The following DLG2 variants were observed in gnomAD, a reference collection of about 807,000 sequenced individuals.
The protein encoded by DLG2 is disks large homolog 2.
Under a neutral mutation model 132.5 loss-of-function variants are expected in DLG2, and 45 were observed. That is an observed-to-expected ratio of 0.34 (90% CI 0.27 to 0.44). DLG2 has a LOEUF of 0.44. Among genes scored for constraint, DLG2 ranks in the 20% least tolerant of loss-of-function variants. The pLI, the probability that DLG2 is intolerant of heterozygous loss-of-function variation, is 1.00. For synonymous variants in DLG2, 424 were observed against 419.6 expected (o/e 1.01, Z -0.13); for missense variants, 1,045 against 1,196.9 (o/e 0.87, Z 1.87).
chr11:84,574,741 A>T (rs2099495053), intron 6 of DLG2, among the ~76,000 whole-genome samples: 1 of 152,098 alleles, frequency 6.6e-6, no homozygotes. Flanking sequence ...TGCTCTTGGC[A>T]CCTCAATTAT....
intron 7 of DLG2, among the ~76,000 whole-genome samples, chr11:84,504,034 T>C (rs1040539396): frequency 5.9e-5 from 9 of 152,236 alleles, no homozygotes; most frequent in Non-Finnish European, 1.3e-4. Context: ...AACACAGCTT[T>C]AATATTATTG....
intron 15 of DLG2, among the ~76,000 whole-genome samples, chr11:83,913,168 C>A (rs150339400): frequency 5.9e-5 from 9 of 152,038 alleles, no homozygotes; most frequent in South Asian, 4.2e-4. Flanking sequence ...AGAATATGCC[C>A]TCGATTATAG....
At chr11:85,333,267 T>C (rs551504018) in intron 3 of DLG2, among the ~76,000 whole-genome samples, 1 of 152,362 alleles carries the variant, frequency 6.6e-6, no homozygotes, top group Admixed American at 6.5e-5. Flanking sequence ...ATAGAAATGC[T>C]ACTAATTCCT....
chr11:85,470,809 G>C (rs540864380), intron 3 of DLG2, among the ~76,000 whole-genome samples: 1 of 152,200 alleles, frequency 6.6e-6, no homozygotes, highest in Non-Finnish European at 1.5e-5. Flanking sequence ...CTAAATTAGA[G>C]GCCAAGACTT....
At chr11:84,666,953 A>G (rs1371694877) in intron 6 of DLG2, among the ~76,000 whole-genome samples, 1 of 152,118 alleles carries the variant, frequency 6.6e-6, no homozygotes, top group East Asian at 1.9e-4. Context: ...CATGGTAGAG[A>G]AAATTTATGT....
chr11:85,364,503 C>T (rs1165356275), intron 3 of DLG2, among the ~76,000 whole-genome samples: 3 of 152,180 alleles, frequency 2.0e-5, no homozygotes, highest in African/African-American at 7.2e-5. Flanking sequence ...TACACTGACA[C>T]ATGGAGTTGC....
rs192631263 is a variant in DLG2, at chr11:84,538,042, G to C, written c.358-3311C>G. Among the ~76,000 whole-genome samples the C allele has an allele frequency of 2.4e-3, 358 of 152,270 alleles. 2 individuals are homozygous for C. The highest frequency in any genetic ancestry group is 8.4e-3 in the African/African-American group (350 of 41,570). On this transcript the variant is annotated intron_variant, in intron 6 of 27. Coordinates refer to ENST00000376104, the MANE Select transcript of DLG2 (RefSeq NM_001142699.3). ...TCAGTATATGCTAAGAATATGAACTGAAAAGAACAACCCTTGACTTCAAGA... is the reference window on the plus strand; with the variant it reads ...TCAGTATATGCTAAGAATATGAACTCAAAAGAACAACCCTTGACTTCAAGA...
chr11:84,322,962 C>T (rs973397616), intron 7 of DLG2, among the ~76,000 whole-genome samples: 4 of 151,918 alleles, frequency 2.6e-5, no homozygotes, highest in African/African-American at 2.4e-5. Context: ...CTAATTCCCT[C>T]GCAATCAAGT....
At chr11:85,318,840 T>C (rs1023150070) in intron 3 of DLG2, among the ~76,000 whole-genome samples, 1 of 151,814 alleles carries the variant, frequency 6.6e-6, no homozygotes, top group African/African-American at 2.4e-5. Context: ...AGGTCCACTG[T>C]TGAGGTTAAG....
intron 6 of DLG2, among the ~76,000 whole-genome samples, chr11:84,753,875 C>A (rs1234622514): frequency 2.0e-5 from 3 of 152,052 alleles, no homozygotes; most frequent in African/African-American, 7.2e-5. Flanking sequence ...GTACTAGAGA[C>A]AAGTGAAGAA....
At chr11:85,351,562 C>G (rs936956265) in intron 3 of DLG2, among the ~76,000 whole-genome samples, 4 of 152,126 alleles carry the variant, frequency 2.6e-5, no homozygotes, top group African/African-American at 9.7e-5. Flanking sequence ...ATAAATAGCT[C>G]TTATTATTTT....
At chr11:84,708,114 T>C (rs1012265852) in intron 6 of DLG2, among the ~76,000 whole-genome samples, 7 of 151,804 alleles carry the variant, frequency 4.6e-5, no homozygotes, top group African/African-American at 1.7e-4. Context: ...AGTTCTTTGA[T>C]CATCTGAAAA....
intron 4 of DLG2, among the ~76,000 whole-genome samples, chr11:85,271,775 T>C (rs2077547830): frequency 6.6e-6 from 1 of 152,252 alleles, no homozygotes; most frequent in African/African-American, 2.4e-5. Context: ...TTCTCCCATT[T>C]GGAACAAGTA....
At chr11:83,650,804 A>G (rs1371376635) in intron 18 of DLG2, among the ~76,000 whole-genome samples, 1 of 152,178 alleles carries the variant, frequency 6.6e-6, no homozygotes, top group African/African-American at 2.4e-5. Flanking sequence ...AGTGCCTCAG[A>G]TCCCCTTTCA....
At chr11:83,657,662 C>T (rs1049511237) in intron 18 of DLG2, among the ~76,000 whole-genome samples, 2 of 151,068 alleles carry the variant, frequency 1.3e-5, no homozygotes, top group African/African-American at 4.9e-5. Context: ...CCTCAGCCTC[C>T]CGAGTAGCTG....
chr11:85,545,214 G>T (rs557771139), intron 3 of DLG2, among the ~76,000 whole-genome samples: 4 of 152,228 alleles, frequency 2.6e-5, no homozygotes, highest in African/African-American at 9.6e-5. Context: ...GTTGAATTTT[G>T]TCAAAGGCCT....
rs554558978 is a variant in DLG2, at chr11:85,471,373, C to T, written c.40+127284G>A. Among the ~76,000 whole-genome samples, 285 of 151,878 alleles carry T rather than the reference C, an allele frequency of 1.9e-3. 3 individuals are homozygous for T. Among genetic ancestry groups the T allele is most frequent in the Middle Eastern group, 3.4e-3 (1 of 294 alleles). ...AAAATAATCCCCCATGAAAAATAGC[C>T]GACCTATCAAATGGAAGGATGAGCA... On this transcript the variant is annotated intron_variant, in intron 3 of 27. Coordinates refer to ENST00000376104, the MANE Select transcript of DLG2 (RefSeq NM_001142699.3).
chr11:85,239,209 TA>T lies in DLG2; in HGVS notation c.186+46010del, dbSNP rs2075753032. On this transcript the variant is annotated intron_variant, in intron 4 of 27. Coordinates refer to ENST00000376104, the MANE Select transcript of DLG2 (RefSeq NM_001142699.3). ...CTCACAACACTTGGGCTCACCACAATAGCAACAAGAAGTTATTACAGTAGTA... is the reference window on the plus strand; with the variant it reads ...CTCACAACACTTGGGCTCACCACAATGCAACAAGAAGTTATTACAGTAGTA... Among the ~76,000 whole-genome samples, 3 of 152,178 alleles carry T rather than the reference TA, an allele frequency of 2.0e-5. No homozygotes were observed. The South Asian group carries it at 6.2e-4, about 32-fold the overall frequency.
chr11:85,475,389 T>G (rs1185008216), intron 3 of DLG2, among the ~76,000 whole-genome samples: 2 of 151,974 alleles, frequency 1.3e-5, no homozygotes, highest in Non-Finnish European at 2.9e-5. Flanking sequence ...AATATAACCT[T>G]GAAACCAAAA....
Sources: gnomAD v4.1 joint callset for allele counts (sites outside exome capture counted in the v4.1 genomes callset) on GRCh38, gnomAD v4.1.1 for gene constraint, MANE v1.5 for transcripts, NCBI Gene and HGNC (gene_info 2026-07-23, HGNC 2026-07-21) for gene names.